Variants in ADAMTSL3 observed in about 807,000 individuals in gnomAD.
ADAMTSL3 encodes ADAMTS like 3, also known as ADAMTS-like protein 3.
Under a neutral mutation model 201.7 loss-of-function variants are expected in ADAMTSL3, and 128 were observed. That is an observed-to-expected ratio of 0.63 (90% confidence interval 0.55 to 0.73). The LOEUF (loss-of-function observed/expected upper bound fraction) is 0.73. Among genes scored for constraint, ADAMTSL3 ranks in the 30% least tolerant of loss-of-function variants. ADAMTSL3 has a pLI of 0.00. For synonymous variants in ADAMTSL3, 738 were observed against 748.4 expected, an observed-to-expected ratio of 0.99 and a Z score of 0.23; for missense variants, 1,990 against 2,119.6, an observed-to-expected ratio of 0.94 and a Z score of 1.20.
At chr15:83,904,334 A>G (rs951130269) in intron 15 of ADAMTSL3, among the ~76,000 whole-genome samples, 2 of 151,852 alleles carry the variant, frequency 1.3e-5, no homozygotes, top group African/African-American at 4.8e-5. Context: ...TCGATTTCCA[A>G]ACAAAACCGC....
At chr15:83,931,776 T>A (rs1225605244) in intron 17 of ADAMTSL3, among the ~76,000 whole-genome samples, 1 of 152,188 alleles carries the variant, frequency 6.6e-6, no homozygotes, top group African/African-American at 2.4e-5. Context: ...GAGCTGCACT[T>A]GTGGTTATTT....
chr15:83,732,470 G>C (rs766849996), intron 3 of ADAMTSL3, among the ~76,000 whole-genome samples: 1 of 152,088 alleles, frequency 6.6e-6, no homozygotes, highest in Admixed American at 6.6e-5. Flanking sequence ...TAAAGGAACA[G>C]CTTGGAATGA....
chr15:83,991,224 G>A lies in ADAMTSL3; in HGVS notation c.3973+10G>A, dbSNP rs756516663. The A allele has an allele frequency of 3.8e-5, 62 of 1,613,896 alleles. No individual in the cohort carries two copies. The highest frequency in any genetic ancestry group is 4.8e-5 in the Non-Finnish European group (57 of 1,179,952). Reference sequence around the variant, plus strand: ...CGATGTCCTGTAAAAGGTAAGTGTGGTCATTTCAGTGGGAGGCCATTTCAG... The same window carrying A: ...CGATGTCCTGTAAAAGGTAAGTGTGATCATTTCAGTGGGAGGCCATTTCAG... On this transcript the variant is annotated intron_variant, in intron 23 of 29. Coordinates refer to ENST00000286744, the MANE Select transcript of ADAMTSL3 (RefSeq NM_207517.3).
chr15:83,720,269 A>G (rs1437971684), intron 3 of ADAMTSL3, among the ~76,000 whole-genome samples: 1 of 152,118 alleles, frequency 6.6e-6, no homozygotes, highest in Admixed American at 6.6e-5. Context: ...CTTTTTTGCC[A>G]TACTACATTG....
chr15:83,956,776 A>G (rs1037184405), intron 19 of ADAMTSL3, among the ~76,000 whole-genome samples: 1 of 152,192 alleles, frequency 6.6e-6, no homozygotes. Context: ...ACATGTTTGT[A>G]TCCCACTTGG....
chr15:83,728,905 A>G (rs1362739981), intron 3 of ADAMTSL3, among the ~76,000 whole-genome samples: 2 of 152,106 alleles, frequency 1.3e-5, no homozygotes, highest in African/African-American at 4.8e-5. Context: ...CCAGTTAAAG[A>G]ATGCCCTTTA....
chr15:83,943,816 A>T (rs1359453653), intron 19 of ADAMTSL3, among the ~76,000 whole-genome samples: 1 of 152,186 alleles, frequency 6.6e-6, no homozygotes, highest in African/African-American at 2.4e-5. Context: ...CACTGTGTCC[A>T]TCAAGTCTCC....
At chr15:83,679,900 C>G (rs920238222) in intron 2 of ADAMTSL3, among the ~76,000 whole-genome samples, 3 of 152,110 alleles carry the variant, frequency 2.0e-5, no homozygotes, top group Non-Finnish European at 4.4e-5. Flanking sequence ...CCATTATTAC[C>G]AGGATTAAGG....
At chr15:83,886,236 C>A (rs2065388068) in intron 10 of ADAMTSL3, among the ~76,000 whole-genome samples, 1 of 152,120 alleles carries the variant, frequency 6.6e-6, no homozygotes, top group Non-Finnish European at 1.5e-5. Context: ...CCTTTTAAAT[C>A]AAAGAATAAA....
chr15:83,988,974 C>T lies in ADAMTSL3; in HGVS notation c.3844+156C>T, dbSNP rs539365027. On this transcript the variant is annotated intron_variant, in intron 22 of 29. Coordinates refer to ENST00000286744, the MANE Select transcript of ADAMTSL3 (RefSeq NM_207517.3). ...TCGGCTCACTGTAAGCTCCGCCTCCCGGGTTCACGCCATTCTCCAGCCTCA... is the reference window on the plus strand; with the variant it reads ...TCGGCTCACTGTAAGCTCCGCCTCCTGGGTTCACGCCATTCTCCAGCCTCA... Among the ~76,000 whole-genome samples, 24 of 151,860 alleles carry T rather than the reference C, an allele frequency of 1.6e-4. 1 individual carries two copies. In the South Asian group the frequency reaches 3.1e-3, roughly 20 times the overall value.
At chr15:83,790,412 T>C (rs1006440709) in intron 4 of ADAMTSL3, among the ~76,000 whole-genome samples, 13 of 151,546 alleles carry the variant, frequency 8.6e-5, no homozygotes, top group Non-Finnish European at 1.8e-4. Flanking sequence ...TAGAGGAATG[T>C]AAGGCTGTTT....
intron 2 of ADAMTSL3, among the ~76,000 whole-genome samples, chr15:83,669,453 G>GTTTTTTT (rs71156089): frequency 1.8e-5 from 1 of 56,924 alleles, no homozygotes; most frequent in Non-Finnish European, 2.9e-5. Flanking sequence ...CGGGAGTGAG[G>GTTTTTTT]TTTTTTTTTT....
At chr15:83,823,677 A>AT (rs1395904614) in intron 6 of ADAMTSL3, among the ~76,000 whole-genome samples, 2 of 152,118 alleles carry the variant, frequency 1.3e-5, no homozygotes, top group Admixed American at 6.5e-5. Context: ...AGCTCCCACC[A>AT]TGATTCCCTC....
chr15:83,901,228 C>T (rs889397020), intron 15 of ADAMTSL3, among the ~76,000 whole-genome samples: 2 of 151,926 alleles, frequency 1.3e-5, no homozygotes, highest in African/African-American at 4.8e-5. Flanking sequence ...GTGTTGGGCT[C>T]CTGACAGAAG....
intron 13 of ADAMTSL3, among the ~76,000 whole-genome samples, chr15:83,896,206 G>A (rs561821159): frequency 1.1e-4 from 16 of 150,804 alleles, no homozygotes; most frequent in African/African-American, 2.9e-4. Context: ...GAAGTGGGTC[G>A]GGAGGATTCA....
chr15:83,988,899 T>G lies in ADAMTSL3; in HGVS notation c.3844+81T>G, dbSNP rs1207434360. Reference sequence around the variant, plus strand: ...TATTTATTTATTTATTTTTTTTTTTTGAGACAGAGTCTCGCTCTGTCGCCC... The same window carrying G: ...TATTTATTTATTTATTTTTTTTTTTGGAGACAGAGTCTCGCTCTGTCGCCC... On this transcript the variant is annotated intron_variant, in intron 22 of 29. Coordinates refer to ENST00000286744, the MANE Select transcript of ADAMTSL3 (RefSeq NM_207517.3). 5.2e-6 allele frequency: 4 copies of G among 774,944 alleles called. No individual in the cohort carries two copies. In the East Asian group the frequency reaches 2.7e-4, roughly 52 times the overall value. 48.0% of individuals were successfully genotyped at this position (774,944 alleles called of 1,614,324 possible). A position where few individuals can be genotyped will look rare whatever the true frequency, so the allele number is the denominator to read the frequency against.
chr15:83,848,696 G>A (rs1231183223), intron 7 of ADAMTSL3, among the ~76,000 whole-genome samples: 1 of 152,090 alleles, frequency 6.6e-6, no homozygotes, highest in Non-Finnish European at 1.5e-5. Flanking sequence ...CGTGATCTTG[G>A]GCAAGTCACT....
chr15:83,667,624 T>C (rs934347492), intron 2 of ADAMTSL3, among the ~76,000 whole-genome samples: 1 of 151,460 alleles, frequency 6.6e-6, no homozygotes, highest in African/African-American at 2.4e-5. Context: ...CAGAGATTTC[T>C]GTAAGGATGT....
intron 5 of ADAMTSL3, among the ~76,000 whole-genome samples, chr15:83,809,404 C>G (rs1302561506): frequency 6.6e-6 from 1 of 152,168 alleles, no homozygotes; most frequent in African/African-American, 2.4e-5. Flanking sequence ...CATCCTGTTA[C>G]AAGCATCCAA....
Sources: allele counts gnomAD v4.1 joint callset (sites outside exome capture counted in the v4.1 genomes callset), GRCh38; gene constraint gnomAD v4.1.1; transcripts MANE v1.5; gene names NCBI Gene and HGNC (gene_info 2026-07-23, HGNC 2026-07-21).